Variants in HLCS observed in about 807,000 individuals in gnomAD.
The protein encoded by HLCS is holocarboxylase synthetase.
A neutral mutation model predicts 75.0 loss-of-function variants in HLCS; 53 were observed. That is an observed-to-expected ratio of 0.71 (90% confidence interval 0.57 to 0.89). HLCS has a LOEUF of 0.89. Ranked by LOEUF, HLCS falls within the 40% of genes least tolerant of loss-of-function variation. The probability of loss-of-function intolerance (pLI) is 0.00; values close to 1 mark genes in which losing one functional copy is unlikely to be tolerated. For missense variants in HLCS, 966 were observed against 1,074.0 expected, an observed-to-expected ratio of 0.90 and a Z score of 1.41; for synonymous variants, 431 against 428.6, an observed-to-expected ratio of 1.01 and a Z score of -0.07.
chr21:36,813,046 G>C (rs972244438), intron 6 of HLCS, among the ~76,000 whole-genome samples: 13 of 152,172 alleles, frequency 8.5e-5, no homozygotes, highest in African/African-American at 3.1e-4. Context: ...GCAACAGAGC[G>C]AGATTCTGTC....
intron 1 of HLCS, among the ~76,000 whole-genome samples, chr21:36,984,947 C>G (rs1034864523): frequency 6.6e-6 from 1 of 151,668 alleles, no homozygotes; most frequent in African/African-American, 2.4e-5. Flanking sequence ...AGCAACAGCA[C>G]AGCTAAGGGG....
intron 6 of HLCS, among the ~76,000 whole-genome samples, chr21:36,821,349 C>A (rs2061835663): frequency 6.6e-6 from 1 of 152,212 alleles, no homozygotes; most frequent in Admixed American, 6.5e-5. Flanking sequence ...ACAGAAAAAA[C>A]AAGCATCTTT....
At chr21:36,856,695 A>C (rs1263860806) in intron 6 of HLCS, among the ~76,000 whole-genome samples, 2 of 152,170 alleles carry the variant, frequency 1.3e-5, no homozygotes, top group East Asian at 1.9e-4. Context: ...AGGAAAAAAA[A>C]ATGAATGTCC....
intron 6 of HLCS, among the ~76,000 whole-genome samples, chr21:36,776,325 C>T (rs1463209362): frequency 1.3e-5 from 2 of 152,102 alleles, no homozygotes; most frequent in Non-Finnish European, 2.9e-5. Context: ...TTCCTATATG[C>T]GTCTGTGTAG....
chr21:36,851,312 C>T (rs912513818), intron 6 of HLCS, among the ~76,000 whole-genome samples: 6 of 152,152 alleles, frequency 3.9e-5, no homozygotes, highest in African/African-American at 1.4e-4. Context: ...ACAAAGAAAA[C>T]GTGCTGCAGA....
At chr21:36,891,917 G>C (rs1412190315) in intron 6 of HLCS, among the ~76,000 whole-genome samples, 1 of 152,146 alleles carries the variant, frequency 6.6e-6, no homozygotes, top group Non-Finnish European at 1.5e-5. Context: ...ATGATTAAGG[G>C]CCTGGCCTTC....
chr21:36,801,281 C>T (rs1444543061), intron 6 of HLCS, among the ~76,000 whole-genome samples: 4 of 152,110 alleles, frequency 2.6e-5, no homozygotes, highest in African/African-American at 7.2e-5. Flanking sequence ...TGCAACTGAC[C>T]GCTAGAAATT....
chr21:36,908,768 G>T (rs996331022), intron 5 of HLCS, among the ~76,000 whole-genome samples: 1 of 152,142 alleles, frequency 6.6e-6, no homozygotes, highest in Non-Finnish European at 1.5e-5. Context: ...AAAAAAAGAA[G>T]GGTATCCAGT....
intron 6 of HLCS, among the ~76,000 whole-genome samples, chr21:36,884,083 G>T (rs1166089409): frequency 2.6e-5 from 4 of 152,208 alleles, no homozygotes; most frequent in Non-Finnish European, 5.9e-5. Flanking sequence ...GGATGCTTAA[G>T]GGCGAGGTTC....
chr21:36,767,404 A>C, intron 6 of HLCS, 119 bp from the exon 7 acceptor site: 2 of 951,082 alleles, frequency 2.1e-6, no homozygotes, highest in Non-Finnish European at 1.7e-6. Flanking sequence ...TGGAAGGGCC[A>C]ACTTTGGTTC....
intron 5 of HLCS, among the ~76,000 whole-genome samples, chr21:36,925,618 C>T (rs1003349123): frequency 1.3e-5 from 2 of 152,182 alleles, no homozygotes; most frequent in African/African-American, 4.8e-5. Flanking sequence ...AAGGGGTCCA[C>T]TGGCAGGCAA....
chr21:36,822,714 G>C (rs2835472), intron 6 of HLCS, among the ~76,000 whole-genome samples: 44,320 of 151,936 alleles, frequency 0.29, 6,747 homozygotes, highest in Middle Eastern at 0.34. Context: ...TACTATTAAT[G>C]CTAACTATTA....
intron 6 of HLCS, among the ~76,000 whole-genome samples, chr21:36,877,907 C>T (rs907486191): frequency 6.6e-6 from 1 of 152,134 alleles, no homozygotes; most frequent in African/African-American, 2.4e-5. Flanking sequence ...GTTCCACTCT[C>T]TTCTGGCTTT....
chr21:36,971,509 A>T (rs1176512057), upstream of HLCS, among the ~76,000 whole-genome samples: 7 of 152,120 alleles, frequency 4.6e-5, no homozygotes, highest in Non-Finnish European at 4.4e-5. Flanking sequence ...TCAAATTGAA[A>T]TACACCCAAT....
intron 6 of HLCS, among the ~76,000 whole-genome samples, chr21:36,895,542 C>A (rs1275589672): frequency 6.6e-6 from 1 of 152,162 alleles, no homozygotes; most frequent in African/African-American, 2.4e-5. Context: ...AGCCTGCCCC[C>A]ATTGCTCTGA....
intron 1 of HLCS, among the ~76,000 whole-genome samples, chr21:36,965,769 T>G (rs2068536581): frequency 1.3e-5 from 2 of 151,048 alleles, no homozygotes; most frequent in African/African-American, 4.9e-5. Flanking sequence ...TCTTGCTTTG[T>G]CACCCAGACT....
intron 6 of HLCS, among the ~76,000 whole-genome samples, chr21:36,820,719 G>T (rs949553912): frequency 5.5e-4 from 84 of 152,264 alleles, no homozygotes; most frequent in African/African-American, 2.0e-3. Context: ...GGGCACCGTG[G>T]ATGTCAGGTT....
intron 3 of HLCS, among the ~76,000 whole-genome samples, chr21:36,938,419 G>A (rs1253425114): frequency 3.3e-5 from 5 of 152,104 alleles, no homozygotes; most frequent in Non-Finnish European, 4.4e-5. Flanking sequence ...TCAAACCTGT[G>A]GACTGAATTA....
At chr21:36,905,790 G>A (rs551034743) in intron 5 of HLCS, among the ~76,000 whole-genome samples, 23 of 152,072 alleles carry the variant, frequency 1.5e-4, no homozygotes, top group Non-Finnish European at 2.8e-4. Flanking sequence ...AGTGGCTCAC[G>A]TCTGTAATCC....
Sources: allele counts gnomAD v4.1 joint callset (sites outside exome capture counted in the v4.1 genomes callset), GRCh38; gene constraint gnomAD v4.1.1; transcripts MANE v1.5; gene names NCBI Gene and HGNC (gene_info 2026-07-23, HGNC 2026-07-21).